The following LHFPL3 variants were observed in gnomAD, a reference collection of about 807,000 sequenced individuals.
LHFPL3 encodes LHFPL tetraspan subfamily member 3 protein.
A neutral mutation model predicts 19.3 loss-of-function variants in LHFPL3; 5 were observed. The observed-to-expected ratio is 0.26, with a 90% CI of 0.14 to 0.54. The LOEUF (loss-of-function observed/expected upper bound fraction) is 0.54, where lower values mean the gene tolerates loss of function less well. Among genes scored for constraint, LHFPL3 ranks in the 20% least tolerant of loss-of-function variants. The probability of loss-of-function intolerance (pLI) is 0.94; values close to 1 mark genes in which losing one functional copy is unlikely to be tolerated. For synonymous variants in LHFPL3, 133 were observed against 126.2 expected, an observed-to-expected ratio of 1.05 and a Z score of -0.36; for missense variants, 249 against 307.4, an observed-to-expected ratio of 0.81 and a Z score of 1.42.
At chr7:104,692,633 G>A (rs1437784064) in intron 1 of LHFPL3, among the ~76,000 whole-genome samples, 1 of 152,238 alleles carries the variant, frequency 6.6e-6, no homozygotes, top group Admixed American at 6.5e-5. Flanking sequence ...GAGGGTGCAA[G>A]CCCCAAGCCT....
chr7:104,696,976 T>C (rs1221114401), intron 1 of LHFPL3, among the ~76,000 whole-genome samples: 1 of 152,196 alleles, frequency 6.6e-6, no homozygotes, highest in Non-Finnish European at 1.5e-5. Flanking sequence ...AAGATCAAGA[T>C]ACAGGCAGAT....
intron 1 of LHFPL3, among the ~76,000 whole-genome samples, chr7:104,583,648 G>T (rs570647543): frequency 6.6e-6 from 1 of 152,204 alleles, no homozygotes; most frequent in East Asian, 1.9e-4. Flanking sequence ...GTGTGCAAAG[G>T]ATATGAACAG....
chr7:104,755,130 G>A, intron 2 of LHFPL3, among the ~76,000 whole-genome samples: 1 of 152,024 alleles, frequency 6.6e-6, no homozygotes, highest in South Asian at 2.1e-4. Context: ...TTGTCTGGGG[G>A]TGGCTTTGCC....
intron 1 of LHFPL3, among the ~76,000 whole-genome samples, chr7:104,510,108 AT>A (rs765332706): frequency 0.14 from 21,036 of 152,000 alleles, 1,556 homozygotes; most frequent in East Asian, 0.21. Flanking sequence ...ATGAAGAGAC[AT>A]ACCATCTTCA....
intron 1 of LHFPL3, among the ~76,000 whole-genome samples, chr7:104,348,818 T>A (rs868090979): frequency 1.3e-5 from 2 of 152,182 alleles, no homozygotes; most frequent in Non-Finnish European, 2.9e-5. Flanking sequence ...CAGATGAGAC[T>A]GGCACGTGTC....
intron 1 of LHFPL3, among the ~76,000 whole-genome samples, chr7:104,429,503 A>T (rs1223468869): frequency 1.3e-5 from 2 of 148,778 alleles, no homozygotes; most frequent in Non-Finnish European, 1.5e-5. Flanking sequence ...TTTAGTAGAG[A>T]TGGGGTTTTA....
chr7:104,727,210 G>T (rs188016113), intron 1 of LHFPL3, among the ~76,000 whole-genome samples: 3 of 151,992 alleles, frequency 2.0e-5, no homozygotes, highest in African/African-American at 7.3e-5. Context: ...AAAGTCCCTC[G>T]TAGATTCTAA....
At chr7:104,657,805 C>A (rs577858949) in intron 1 of LHFPL3, among the ~76,000 whole-genome samples, 8 of 152,240 alleles carry the variant, frequency 5.3e-5, no homozygotes, top group Non-Finnish European at 1.0e-4. Flanking sequence ...AACTCTCTTT[C>A]CCACTCTATT....
intron 1 of LHFPL3, among the ~76,000 whole-genome samples, chr7:104,693,442 A>C (rs1205986955): frequency 6.6e-6 from 1 of 152,164 alleles, no homozygotes; most frequent in Non-Finnish European, 1.5e-5. Context: ...TTCTAATCCC[A>C]TAATCCCTAT....
intron 1 of LHFPL3, among the ~76,000 whole-genome samples, chr7:104,455,608 C>A (rs1412534509): frequency 6.6e-6 from 1 of 152,136 alleles, no homozygotes. Flanking sequence ...GTAATCCCAG[C>A]TACTTGGGAA....
intron 1 of LHFPL3, among the ~76,000 whole-genome samples, chr7:104,590,770 G>T (rs941626236): frequency 6.6e-6 from 1 of 152,154 alleles, no homozygotes; most frequent in Non-Finnish European, 1.5e-5. Flanking sequence ...AGGTCTCTAA[G>T]GACTTGCTTT....
chr7:104,618,826 C>A (rs905215574), intron 1 of LHFPL3, among the ~76,000 whole-genome samples: 1 of 152,188 alleles, frequency 6.6e-6, no homozygotes, highest in Admixed American at 6.5e-5. Context: ...GTCCCACAGT[C>A]CCTTAATGGT....
intron 1 of LHFPL3, among the ~76,000 whole-genome samples, chr7:104,449,373 A>G (rs1320912105): frequency 1.4e-4 from 22 of 152,192 alleles, no homozygotes; most frequent in Non-Finnish European, 4.4e-5. Flanking sequence ...ATAGCAAGGT[A>G]CATATATTGA....
chr7:104,617,574 T>G (rs1271541507), intron 1 of LHFPL3, among the ~76,000 whole-genome samples: 6 of 152,190 alleles, frequency 3.9e-5, no homozygotes, highest in Non-Finnish European at 7.3e-5. Flanking sequence ...TCAATAACCT[T>G]CTGTGTTTTT....
At chr7:104,834,520 T>A (rs1445052652) in intron 2 of LHFPL3, among the ~76,000 whole-genome samples, 1 of 151,874 alleles carries the variant, frequency 6.6e-6, no homozygotes, top group Non-Finnish European at 1.5e-5. Flanking sequence ...CCCATTTATG[T>A]CAGTGGGGTC....
intron 1 of LHFPL3, among the ~76,000 whole-genome samples, chr7:104,721,872 C>G (rs1259880722): frequency 6.6e-6 from 1 of 152,072 alleles, no homozygotes; most frequent in Non-Finnish European, 1.5e-5. Context: ...GGTAAATGTT[C>G]AATAAATATT....
intron 1 of LHFPL3, among the ~76,000 whole-genome samples, chr7:104,425,771 A>G (rs1186364705): frequency 6.6e-6 from 1 of 152,212 alleles, no homozygotes; most frequent in Admixed American, 6.5e-5. Context: ...CTAGGAGAAG[A>G]TGAGTTGGTG....
At chr7:104,489,208 A>G (rs1293152547) in intron 1 of LHFPL3, among the ~76,000 whole-genome samples, 1 of 87,882 alleles carries the variant, frequency 1.1e-5, no homozygotes, top group East Asian at 2.6e-4. Flanking sequence ...TCAGCCTCCC[A>G]AGTAGCTGGG....
At chr7:104,771,337 G>A (rs1794547134) in intron 2 of LHFPL3, among the ~76,000 whole-genome samples, 1 of 152,130 alleles carries the variant, frequency 6.6e-6, no homozygotes, top group African/African-American at 2.4e-5. Flanking sequence ...GAGTTGAATA[G>A]GGCAGGAATT....
Sources: gnomAD v4.1 joint callset for allele counts (sites outside exome capture counted in the v4.1 genomes callset) on GRCh38, gnomAD v4.1.1 for gene constraint, MANE v1.5 for transcripts, NCBI Gene and HGNC (gene_info 2026-07-23, HGNC 2026-07-21) for gene names.